The following LRP1B variants were observed in gnomAD, a reference collection of about 807,000 sequenced individuals.
LRP1B encodes the protein low-density lipoprotein receptor-related protein 1B.
LRP1B carries 217 observed loss-of-function variants against 556.6 expected under a neutral mutation model. The ratio of observed to expected loss-of-function variants is 0.39; its 90% CI spans 0.35 to 0.44. LRP1B has a LOEUF of 0.44. LRP1B is among the 20% of genes least tolerant of loss of function. The pLI is 1.00. For synonymous variants in LRP1B, 2,047 were observed against 1,865.8 expected (o/e 1.10, Z -2.50); for missense variants, 5,053 against 5,620.8 (o/e 0.90, Z 3.23).
At chr2:141,111,411 T>A (rs932336301) in intron 7 of LRP1B, among the ~76,000 whole-genome samples, 1 of 152,216 alleles carries the variant, frequency 6.6e-6, no homozygotes, top group Non-Finnish European at 1.5e-5. Flanking sequence ...ATATTTATTT[T>A]AAAATTTTTC....
intron 2 of LRP1B, among the ~76,000 whole-genome samples, chr2:141,610,703 C>T (rs1368757494): frequency 6.6e-6 from 1 of 152,196 alleles, no homozygotes; most frequent in Non-Finnish European, 1.5e-5. Flanking sequence ...GGCAGCAAGT[C>T]TGCCTTTTTC....
At chr2:140,420,637 A>ATTT (rs149116642) in intron 66 of LRP1B, among the ~76,000 whole-genome samples, 2,199 of 152,352 alleles carry the variant, frequency 0.014, 55 homozygotes, top group African/African-American at 0.051. Flanking sequence ...TGAATAAAAA[A>ATTT]TTAGTATATC....
At chr2:142,120,639 G>A (rs895577724) in intron 1 of LRP1B, among the ~76,000 whole-genome samples, 1 of 152,068 alleles carries the variant, frequency 6.6e-6, no homozygotes, top group Non-Finnish European at 1.5e-5. Flanking sequence ...AGTCTTCATA[G>A]GCCAATGCCT....
chr2:141,797,954 T>G (rs1164126171), intron 2 of LRP1B, among the ~76,000 whole-genome samples: 1 of 152,166 alleles, frequency 6.6e-6, no homozygotes, highest in Non-Finnish European at 1.5e-5. Flanking sequence ...CCTATGACAA[T>G]TATAGGCAAT....
At chr2:142,005,614 G>T (rs956767090) in intron 1 of LRP1B, among the ~76,000 whole-genome samples, 4 of 152,074 alleles carry the variant, frequency 2.6e-5, no homozygotes, top group Admixed American at 2.0e-4. Flanking sequence ...ATGAATAAAA[G>T]AAAAGAATTA....
rs902394390 is a variant in LRP1B, at chr2:140,993,571, C to T, written c.2644+424G>A. Among the ~76,000 whole-genome samples, 5 of 152,032 alleles carry T rather than the reference C, an allele frequency of 3.3e-5. No individual in the cohort carries two copies. In the East Asian group the frequency reaches 7.7e-4, roughly 24 times the overall value. On this transcript the variant is annotated intron_variant, in intron 16 of 90. Coordinates refer to ENST00000389484, the MANE Select transcript of LRP1B (RefSeq NM_018557.3). ...CAAACCCATGTCTGTTTCCTTGGAT[C>T]TTCTTCAAGGCTCTGTTGCCAAAGA... is the stretch of plus-strand genomic sequence containing the variant.
Position 140,844,641 on chromosome 2 carries a change from A to G in LRP1B, c.4940-3549T>C, listed in dbSNP as rs536304908. On this transcript the variant is annotated intron_variant, in intron 29 of 90. Transcript: ENST00000389484. ...TTTTGTTTTTAAGTAAATCAGAACAAGATCTCTGAGTAAGTTTCTCAGGAA... is the reference window on the plus strand; with the variant it reads ...TTTTGTTTTTAAGTAAATCAGAACAGGATCTCTGAGTAAGTTTCTCAGGAA... Among the ~76,000 whole-genome samples, 185 of 152,352 alleles carry G rather than the reference A, an allele frequency of 1.2e-3. 1 individual carries two copies. The highest frequency in any genetic ancestry group is 4.4e-3 in the African/African-American group (182 of 41,584).
chr2:141,911,367 A>G (rs1158119187), intron 1 of LRP1B, among the ~76,000 whole-genome samples: 6 of 152,172 alleles, frequency 3.9e-5, no homozygotes, highest in South Asian at 4.1e-4. Context: ...CCGAAGTCAT[A>G]TAAGTAAAAG....
intron 7 of LRP1B, among the ~76,000 whole-genome samples, chr2:141,129,812 A>T (rs1701305097): frequency 6.7e-6 from 1 of 149,274 alleles, no homozygotes; most frequent in African/African-American, 2.5e-5. Flanking sequence ...AATTTACTAT[A>T]TGTAAATATG....
chr2:141,810,614 G>T (rs1489175100), intron 1 of LRP1B, among the ~76,000 whole-genome samples: 1 of 151,996 alleles, frequency 6.6e-6, no homozygotes, highest in African/African-American at 2.4e-5. Flanking sequence ...TTTGTTATAG[G>T]TTCACACTAT....
chr2:140,748,723 A>G (rs1688441667), intron 35 of LRP1B, among the ~76,000 whole-genome samples: 1 of 130,844 alleles, frequency 7.6e-6, no homozygotes, highest in South Asian at 2.2e-4. Context: ...TATATCATAT[A>G]TATGAATATT....
At chr2:141,723,611 T>C (rs1473009486) in intron 2 of LRP1B, among the ~76,000 whole-genome samples, 1 of 151,848 alleles carries the variant, frequency 6.6e-6, no homozygotes, top group Admixed American at 6.6e-5. Context: ...TGCTATCTTT[T>C]ATATTAAGGG....
intron 7 of LRP1B, among the ~76,000 whole-genome samples, chr2:141,175,386 C>T (rs901322023): frequency 6.6e-6 from 1 of 152,138 alleles, no homozygotes; most frequent in African/African-American, 2.4e-5. Flanking sequence ...CCCTGCTGCT[C>T]TATGCAGCCT....
chr2:140,512,345 A>C (rs1333096503), intron 51 of LRP1B, among the ~76,000 whole-genome samples: 1 of 152,178 alleles, frequency 6.6e-6, no homozygotes, highest in Non-Finnish European at 1.5e-5. Flanking sequence ...TGGGAAGAAA[A>C]TGGGCCAAAG....
chr2:140,817,910 A>C (rs1474279713), intron 31 of LRP1B, among the ~76,000 whole-genome samples: 1 of 152,200 alleles, frequency 6.6e-6, no homozygotes, highest in East Asian at 1.9e-4. Context: ...AATTTTAATT[A>C]TCTGGAAAGT....
intron 3 of LRP1B, among the ~76,000 whole-genome samples, chr2:141,261,766 C>A (rs116777857): frequency 5.0e-4 from 76 of 152,168 alleles, no homozygotes; most frequent in African/African-American, 1.6e-3. Context: ...TATAAACATA[C>A]CTCACTTTGT....
chr2:141,769,270 T>C (rs935170062), intron 2 of LRP1B, among the ~76,000 whole-genome samples: 9 of 152,344 alleles, frequency 5.9e-5, no homozygotes, highest in African/African-American at 1.9e-4. Context: ...GGTATCAGTC[T>C]GCTCCACTGT....
At chr2:141,879,067 ATTCAGTTCT>A (rs1350135464) in intron 1 of LRP1B, among the ~76,000 whole-genome samples, 1 of 151,942 alleles carries the variant, frequency 6.6e-6, no homozygotes, top group African/African-American at 2.4e-5. Flanking sequence ...CTAAAGACAC[ATTCAGTTCT>A]TTCAATATAA....
intron 43 of LRP1B, among the ~76,000 whole-genome samples, chr2:140,554,916 T>C (rs1680676368): frequency 6.6e-6 from 1 of 151,184 alleles, no homozygotes; most frequent in Non-Finnish European, 1.5e-5. Context: ...CTAGGCTTTG[T>C]ACTTTATTTG....
Sources: gnomAD v4.1 joint callset for allele counts (sites outside exome capture counted in the v4.1 genomes callset) on GRCh38, gnomAD v4.1.1 for gene constraint, MANE v1.5 for transcripts, NCBI Gene and HGNC (gene_info 2026-07-23, HGNC 2026-07-21) for gene names.